The following CHD1 variants were observed in gnomAD, a reference collection of about 807,000 sequenced individuals.
CHD1 encodes ATP-dependent chromatin remodeler CHD1.
CHD1 carries 36 observed loss-of-function variants against 224.2 expected under a neutral mutation model. The ratio of observed to expected loss-of-function variants is 0.16; its 90% confidence interval spans 0.12 to 0.21. The LOEUF is 0.21. Among genes scored for constraint, CHD1 ranks in the 10% least tolerant of loss-of-function variants. CHD1 has a pLI of 1.00. For synonymous variants in CHD1, 668 were observed against 658.3 expected (o/e 1.01, Z -0.23); for missense variants, 1,378 against 1,994.8 (o/e 0.69, Z 5.89).
intron 18 of CHD1, 98 bp downstream of exon 18, chr5:98,885,480 C>T: frequency 1.3e-6 from 1 of 794,994 alleles, no homozygotes; most frequent in Non-Finnish European, 2.0e-6. Flanking sequence ...CTTTTTTTAT[C>T]AAACTAGATA....
At chr5:98,927,982 G>A (rs7724992) in intron 1 of CHD1, among the ~76,000 whole-genome samples, 1 of 152,106 alleles carries the variant, frequency 6.6e-6, no homozygotes, top group African/African-American at 2.4e-5. Context: ...CTTTGCTCCT[G>A]CTAAGTTTTT....
At chr5:98,875,255 T>C (rs1175315755) in intron 24 of CHD1, 142 bp from the exon 25 acceptor site, 2 of 523,534 alleles carry the variant, frequency 3.8e-6, no homozygotes, top group East Asian at 3.3e-5. Context: ...GAATAAACTA[T>C]GCTAAAAACA....
rs1052397254 is a variant in CHD1 at position 98,885,740 on chromosome 5, A to T, written c.2497-91T>A. The T allele has an allele frequency of 7.7e-6, 6 of 776,550 alleles. No individual in the cohort carries two copies. The African/African-American group carries it at 1.1e-4, about 14-fold the overall frequency. The allele number at this position is 776,550 out of a possible 1,614,324, so 48.1% of individuals were successfully genotyped here. ...ATTATAAAATTAAGTAGAAATGTGAAGCATGTCCTTTGCTAAAACTATAAT... is the reference window on the plus strand; with the variant it reads ...ATTATAAAATTAAGTAGAAATGTGATGCATGTCCTTTGCTAAAACTATAAT... On this transcript the variant is annotated intron_variant, in intron 17 of 35. Transcript: ENST00000614616.
At chr5:98,919,258 A>G (rs1309183994) in intron 2 of CHD1, among the ~76,000 whole-genome samples, 1 of 152,216 alleles carries the variant, frequency 6.6e-6, no homozygotes, top group African/African-American at 2.4e-5. Flanking sequence ...ACTTGTCAAA[A>G]CCCAAAGAAC....
chr5:98,906,187 A>G (rs1294911850), intron 2 of CHD1, among the ~76,000 whole-genome samples: 6 of 152,162 alleles, frequency 3.9e-5, no homozygotes, highest in Non-Finnish European at 8.8e-5. Flanking sequence ...TGAGATATAT[A>G]AATGCTTAAA....
At chr5:98,865,224 T>C (rs1346330101) in intron 31 of CHD1, among the ~76,000 whole-genome samples, 3 of 152,148 alleles carry the variant, frequency 2.0e-5, no homozygotes, top group African/African-American at 7.2e-5. Flanking sequence ...ACATGTTTTT[T>C]AAAAAAGTAT....
At position 98,896,424 on chromosome 5, in the gene CHD1, G is replaced by A. The variant is rs756371494; in HGVS notation, c.1512C>T (p.Leu504=). 9 of 1,612,658 alleles carry A rather than the reference G, an allele frequency of 5.6e-6. No homozygotes were observed. Among genetic ancestry groups the A allele is most frequent in the South Asian group, 2.2e-5 (2 of 91,026 alleles). The change falls in exon 12 of 36, where the codon CTC becomes CTT. Residue 504 remains leucine (L), a synonymous_variant. Coordinates refer to ENST00000614616, the MANE Select transcript of CHD1 (RefSeq NM_001270.4). ...TTTTTCCAAGGCCCATTTCATCAGCGAGTATGCAACTATTTCCTCTACAAA... is the reference window on the plus strand; with the variant it reads ...TTTTTCCAAGGCCCATTTCATCAGCAAGTATGCAACTATTTCCTCTACAAA... ...HSWCKGNSCI[L]ADEMGLGKTI...
rs764795083 is a variant in CHD1, at chr5:98,899,718, G to A, written c.860-13C>T. The A allele has an allele frequency of 1.3e-6, 2 of 1,567,068 alleles. No individual in the cohort carries two copies. The highest frequency in any genetic ancestry group is 1.4e-5 in the African/African-American group (1 of 73,520). On this transcript the variant is annotated splice_polypyrimidine_tract_variant and intron_variant, in intron 7 of 35. Transcript: ENST00000614616. ...GTAGCACCAGTAGCTGAAAACAAAA[G>A]CACAAGATCCTTCCATGTAATTAAT...
At chr5:98,881,008 C>T in intron 22 of CHD1, 68 bp downstream of exon 22, 1 of 893,218 alleles carries the variant, frequency 1.1e-6, no homozygotes, top group Non-Finnish European at 1.8e-6. Flanking sequence ...GATTAACAAA[C>T]CACTAAATGA....
intron 13 of CHD1, 37 bp downstream of exon 13, chr5:98,894,560 T>C (rs755924623): frequency 3.7e-6 from 3 of 810,014 alleles, no homozygotes; most frequent in Middle Eastern, 2.4e-4. Flanking sequence ...AAAACTGATA[T>C]ACAAGAGACC....
At chr5:98,897,020 G>T (rs539467459) in intron 11 of CHD1, among the ~76,000 whole-genome samples, 173 bp downstream of exon 11, 5 of 152,116 alleles carry the variant, frequency 3.3e-5, no homozygotes, top group Non-Finnish European at 7.4e-5. Flanking sequence ...AACTCCACTG[G>T]ATTTTCTTCC....
intron 18 of CHD1, among the ~76,000 whole-genome samples, chr5:98,884,159 C>A (rs912357465): frequency 6.6e-6 from 1 of 150,996 alleles, no homozygotes; most frequent in Non-Finnish European, 1.5e-5. Context: ...CTGCAAGCTC[C>A]GCCTCCCGGG....
intron 23 of CHD1, among the ~76,000 whole-genome samples, chr5:98,878,599 G>A (rs1174001057): frequency 3.3e-5 from 5 of 152,202 alleles, no homozygotes; most frequent in African/African-American, 4.8e-5. Flanking sequence ...TTTGGTATTT[G>A]TTTACTTAGG....
chr5:98,915,878 G>A (rs1028339833), intron 2 of CHD1, among the ~76,000 whole-genome samples: 1 of 152,052 alleles, frequency 6.6e-6, no homozygotes, highest in African/African-American at 2.4e-5. Flanking sequence ...TTAAGTTAAC[G>A]CAAATAATGC....
chr5:98,921,198 G>A (rs936407265), intron 2 of CHD1, among the ~76,000 whole-genome samples: 1 of 152,174 alleles, frequency 6.6e-6, no homozygotes, highest in Non-Finnish European at 1.5e-5. Flanking sequence ...CATCATGCTA[G>A]GTTAAGGCAC....
chr5:98,920,883 GA>G (rs1315782183), intron 2 of CHD1, among the ~76,000 whole-genome samples: 1 of 151,746 alleles, frequency 6.6e-6, no homozygotes, highest in Non-Finnish European at 1.5e-5. Flanking sequence ...TTTAGACCAT[GA>G]AAACTAAGGA....
At chr5:98,869,515 G>C (rs561519533) in intron 30 of CHD1, 1 of 403,270 alleles carries the variant, frequency 2.5e-6, no homozygotes, top group South Asian at 4.8e-5. Context: ...GAAAAGGAAG[G>C]ACCTTTGCTC....
intron 2 of CHD1, among the ~76,000 whole-genome samples, chr5:98,913,304 CT>C (rs1339037056): frequency 1.1e-4 from 17 of 152,058 alleles, no homozygotes; most frequent in Non-Finnish European, 2.4e-4. Flanking sequence ...GATCCCATCT[CT>C]ACAAAAAAAA....
At chr5:98,901,654 T>C (rs182706034) in intron 5 of CHD1, among the ~76,000 whole-genome samples, 67 of 151,970 alleles carry the variant, frequency 4.4e-4, no homozygotes, top group African/African-American at 1.6e-3. Context: ...TACTAATCCA[T>C]GCCATTTTAA....
Sources: allele counts gnomAD v4.1 joint callset (sites outside exome capture counted in the v4.1 genomes callset), GRCh38; gene constraint gnomAD v4.1.1; transcripts MANE v1.5; gene names NCBI Gene and HGNC (gene_info 2026-07-23, HGNC 2026-07-21).